The following ARL8B variants were observed in gnomAD, a reference collection of about 807,000 sequenced individuals.
ARL8B encodes ADP-ribosylation factor-like protein 8B.
A neutral mutation model predicts 30.6 loss-of-function variants in ARL8B; 9 were observed. That is an observed-to-expected ratio of 0.29 (90% CI 0.18 to 0.51). ARL8B has a LOEUF of 0.51. Among genes scored for constraint, ARL8B ranks in the 20% least tolerant of loss-of-function variants. The pLI is 0.97. For synonymous variants in ARL8B, 74 were observed against 76.0 expected (o/e 0.97, Z 0.14); for missense variants, 130 against 227.2 (o/e 0.57, Z 2.75).
At chr3:5,143,608 C>G (rs2054394453) in intron 1 of ARL8B, among the ~76,000 whole-genome samples, 1 of 152,232 alleles carries the variant, frequency 6.6e-6, no homozygotes, top group African/African-American at 2.4e-5. Flanking sequence ...CACCCCTGTT[C>G]AGCCGTTTGC....
intron 1 of ARL8B, among the ~76,000 whole-genome samples, chr3:5,151,279 C>G (rs1224093143): frequency 6.6e-6 from 1 of 151,920 alleles, no homozygotes; most frequent in African/African-American, 2.4e-5. Context: ...TTCTTCTTTT[C>G]TAATATAAGC....
chr3:5,140,570 T>G (rs2054364636), intron 1 of ARL8B, among the ~76,000 whole-genome samples: 1 of 151,820 alleles, frequency 6.6e-6, no homozygotes, highest in African/African-American at 2.4e-5. Flanking sequence ...TTTTTTTTTT[T>G]GGCAAAATTT....
chr3:5,150,130 T>C (rs2054466803), intron 1 of ARL8B, among the ~76,000 whole-genome samples: 1 of 152,140 alleles, frequency 6.6e-6, no homozygotes, highest in Non-Finnish European at 1.5e-5. Context: ...CTCTTCTGTT[T>C]TTGGAGATTA....
chr3:5,155,368 C>T (rs1226880575), intron 1 of ARL8B, among the ~76,000 whole-genome samples: 1 of 152,052 alleles, frequency 6.6e-6, no homozygotes, highest in Non-Finnish European at 1.5e-5. Context: ...TATAATTTGT[C>T]TTGGTATAGA....
At chr3:5,129,943 A>C (rs1334784910) in intron 1 of ARL8B, among the ~76,000 whole-genome samples, 1 of 152,010 alleles carries the variant, frequency 6.6e-6, no homozygotes, top group African/African-American at 2.4e-5. Flanking sequence ...GGCTCACTGC[A>C]ACCTCTGCCT....
chr3:5,154,954 C>T (rs6798707), intron 1 of ARL8B, among the ~76,000 whole-genome samples: 58,071 of 151,962 alleles, frequency 0.38, 12,481 homozygotes, highest in African/African-American at 0.6. Flanking sequence ...AGGCTGGTCT[C>T]GAACTCCTGA....
At chr3:5,148,988 A>C (rs1246847591) in intron 1 of ARL8B, among the ~76,000 whole-genome samples, 4 of 151,968 alleles carry the variant, frequency 2.6e-5, no homozygotes, top group Non-Finnish European at 5.9e-5. Context: ...TGTGTACTCG[A>C]CCCGCGCTAC....
chr3:5,169,073 T>G (rs149618627), intron 1 of ARL8B, among the ~76,000 whole-genome samples: 14 of 152,174 alleles, frequency 9.2e-5, no homozygotes, highest in African/African-American at 1.2e-4. Context: ...TGATGACTAG[T>G]TTTTTAAAAA....
intron 1 of ARL8B, among the ~76,000 whole-genome samples, chr3:5,133,092 T>G (rs1337090075): frequency 1.6e-5 from 2 of 128,228 alleles, no homozygotes; most frequent in Non-Finnish European, 3.3e-5. Flanking sequence ...ACTGCCGATA[T>G]CATGTGGGGA....
intron 1 of ARL8B, among the ~76,000 whole-genome samples, chr3:5,137,271 C>T (rs1360300475): frequency 2.0e-5 from 3 of 151,594 alleles, no homozygotes; most frequent in Non-Finnish European, 4.4e-5. Flanking sequence ...ATGTGATATT[C>T]GGGGGTTAGG....
intron 1 of ARL8B, among the ~76,000 whole-genome samples, chr3:5,130,259 A>G (rs1429970129): frequency 6.6e-6 from 1 of 151,794 alleles, no homozygotes; most frequent in African/African-American, 2.4e-5. Context: ...TCCTGGGCTC[A>G]AGAGATTCTC....
chr3:5,128,433 G>A (rs372684322), intron 1 of ARL8B: 2 of 452,804 alleles, frequency 4.4e-6, no homozygotes, highest in African/African-American at 2.0e-5. Flanking sequence ...CTTCATCCCC[G>A]CTCCAATTAT....
chr3:5,132,723 G>T (rs1388707453), intron 1 of ARL8B, among the ~76,000 whole-genome samples: 1 of 152,176 alleles, frequency 6.6e-6, no homozygotes, highest in Admixed American at 6.5e-5. Context: ...TAACAGCAAA[G>T]TATACCTACT....
chr3:5,131,279 GTTC>G (rs2054280850), intron 1 of ARL8B, among the ~76,000 whole-genome samples: 1 of 152,044 alleles, frequency 6.6e-6, no homozygotes, highest in Non-Finnish European at 1.5e-5. Flanking sequence ...TTTGTAAATA[GTTC>G]TTATCAGAGG....
At chr3:5,151,422 G>A (rs1364768405) in intron 1 of ARL8B, among the ~76,000 whole-genome samples, 1 of 152,070 alleles carries the variant, frequency 6.6e-6, no homozygotes, top group Non-Finnish European at 1.5e-5. Flanking sequence ...CAGCCTGGGC[G>A]ACAGAGCAAG....
intron 1 of ARL8B, among the ~76,000 whole-genome samples, chr3:5,156,413 CGTTT>C (rs940777936): frequency 5.7e-5 from 8 of 139,896 alleles, no homozygotes; most frequent in African/African-American, 2.1e-4. Context: ...TTCAGTTGTT[CGTTT>C]GTTTGGTTTT....
In ARL8B at chr3:5,158,483, G is replaced by T. The variant is rs373434854; in HGVS notation, c.124-12020G>T. On this transcript the variant is annotated intron_variant, in intron 1 of 6. Coordinates refer to ENST00000256496, the MANE Select transcript of ARL8B (RefSeq NM_018184.3). The stretch of plus-strand genomic sequence containing the variant: ...TTTTACTTTTAAACAGCTCTGTGAG[G>T]TAGAGACTGTGGTTATCTCCATTTT... Among the ~76,000 whole-genome samples the T allele has an allele frequency of 1.4e-4, 21 of 152,300 alleles. No homozygotes were observed. In the East Asian group the frequency reaches 3.5e-3, roughly 25 times the overall value.
intron 1 of ARL8B, among the ~76,000 whole-genome samples, chr3:5,154,233 GGACTTTGACAT>G (rs1462979928): frequency 6.6e-6 from 1 of 151,504 alleles, no homozygotes; most frequent in Non-Finnish European, 1.5e-5. Context: ...TCTTATTCCA[GGACTTTGACAT>G]GACTGTTAGT....
intron 1 of ARL8B, among the ~76,000 whole-genome samples, chr3:5,150,492 A>AAATAAATAAATAAAGT (rs1470790553): frequency 1.3e-5 from 2 of 151,626 alleles, no homozygotes; most frequent in East Asian, 1.9e-4. Flanking sequence ...ATAAATAAAT[A>AAATAAATAAATAAAGT]AAGTTTGGAG....
Sources: gnomAD v4.1 joint callset for allele counts (sites outside exome capture counted in the v4.1 genomes callset) on GRCh38, gnomAD v4.1.1 for gene constraint, MANE v1.5 for transcripts, NCBI Gene and HGNC (gene_info 2026-07-23, HGNC 2026-07-21) for gene names.